The following BTBD7 variants were observed in gnomAD, a reference collection of about 807,000 sequenced individuals.
BTBD7 encodes the protein BTB/POZ domain-containing protein 7.
BTBD7 carries 38 observed loss-of-function variants against 99.9 expected under a neutral mutation model. The ratio of observed to expected loss-of-function variants is 0.38; its 90% confidence interval spans 0.29 to 0.50. The LOEUF is 0.50. BTBD7 is among the 20% of genes least tolerant of loss of function. BTBD7 has a pLI of 0.93. For synonymous variants in BTBD7, 520 were observed against 511.4 expected, an observed-to-expected ratio of 1.02 and a Z score of -0.23; for missense variants, 1,170 against 1,394.6, an observed-to-expected ratio of 0.84 and a Z score of 2.57.
At chr14:93,328,691 G>A (rs2053362248) in intron 1 of BTBD7, among the ~76,000 whole-genome samples, 1 of 150,994 alleles carries the variant, frequency 6.6e-6, no homozygotes, top group South Asian at 2.1e-4. Flanking sequence ...TGAGGCGGGA[G>A]GACCACTTGA....
chr14:93,258,514 A>T (rs1432413880), intron 5 of BTBD7, among the ~76,000 whole-genome samples: 1 of 152,168 alleles, frequency 6.6e-6, no homozygotes, highest in Non-Finnish European at 1.5e-5. Context: ...GGCCTGGTTC[A>T]CTTAGCTTCC....
At position 93,263,937 on chromosome 14, in the gene BTBD7, T is replaced by G; in HGVS notation, c.1219A>C (p.Lys407Gln). ...ISLDTLIAILKWSSHPYGSKW... is the reference protein window; with the variant it reads ...ISLDTLIAILQWSSHPYGSKW... Reference sequence around the variant, plus strand: ...GAGCCATATGGATGAGAACTCCACTTGAGGATGGCAATTAAGGTATCTAAT... The same window carrying G: ...GAGCCATATGGATGAGAACTCCACTGGAGGATGGCAATTAAGGTATCTAAT... Residue 407 changes from lysine (K) to glutamine (Q), a missense_variant, in exon 4 of 11, where the codon AAG becomes CAG. By Grantham distance (53) the Lys-to-Gln change is moderately conservative (BLOSUM62 1). Around this residue, in one of 4 missense-constraint regions of BTBD7, gnomAD observed 359 missense variants for 497.9 expected, o/e 0.72. Transcript: ENST00000334746. 6.2e-7 allele frequency: 1 copy of G among 1,614,216 alleles called. No homozygotes were observed. Among genetic ancestry groups the G allele is most frequent in the Non-Finnish European group, 8.5e-7 (1 of 1,180,038 alleles).
chr14:93,252,766 T>C (rs2052383617), intron 7 of BTBD7, among the ~76,000 whole-genome samples: 1 of 152,096 alleles, frequency 6.6e-6, no homozygotes. Flanking sequence ...GAAAGCTTAA[T>C]AAGGATTTCC....
intron 8 of BTBD7, among the ~76,000 whole-genome samples, chr14:93,249,047 A>C (rs71429787): frequency 0.17 from 25,827 of 151,868 alleles, 2,368 homozygotes; most frequent in East Asian, 0.31. Context: ...GGTGCACAGA[A>C]TGAAACACGA....
chr14:93,319,332 A>G lies in BTBD7; in HGVS notation c.-107+13488T>C, dbSNP rs563515004. ...TTTCAATACAGAGACCAGCTTAACA[A>G]TTAATAGATATCACAACAGCCAAGA... On this transcript the variant is annotated intron_variant, in intron 1 of 10. Coordinates refer to ENST00000334746, the MANE Select transcript of BTBD7 (RefSeq NM_001002860.4). 2.0e-5 allele frequency among the ~76,000 whole-genome samples: 3 copies of G among 152,388 alleles called. No individual in the cohort carries two copies. The South Asian group carries it at 6.2e-4, about 32-fold the overall frequency.
chr14:93,305,743 C>T (rs79350597), intron 1 of BTBD7, among the ~76,000 whole-genome samples: 22,046 of 152,122 alleles, frequency 0.14, 2,071 homozygotes, highest in Admixed American at 0.22. Context: ...TTTCTGTTGC[C>T]GTAACAGAAT....
intron 1 of BTBD7, among the ~76,000 whole-genome samples, chr14:93,297,683 G>A (rs1423900751): frequency 1.3e-5 from 2 of 152,172 alleles, no homozygotes; most frequent in Non-Finnish European, 2.9e-5. Flanking sequence ...GAATCTTCAA[G>A]ATCTTATCAG....
intron 7 of BTBD7, 97 bp downstream of exon 7, chr14:93,253,550 A>G: frequency 9.1e-7 from 1 of 1,095,958 alleles, no homozygotes. Context: ...TTGAAAATAT[A>G]GGCTATTTCC....
chr14:93,256,106 T>C (rs2052426234), intron 6 of BTBD7: 1 of 152,242 alleles, frequency 6.6e-6, no homozygotes, highest in Non-Finnish European at 1.5e-5. Flanking sequence ...TCTTCCATGT[T>C]TCCATTTAGT....
rs1043251222 is a variant in BTBD7 at position 93,284,699 on chromosome 14, A to C, written c.1162+9159T>G. On this transcript the variant is annotated intron_variant, in intron 3 of 10. Transcript: ENST00000334746. ...GAAGATATAAAACCCTAAGAACAAT[A>C]AAAAGTGTTTTAGAAATTCTCAGGA... Among the ~76,000 whole-genome samples the C allele has an allele frequency of 1.6e-4, 24 of 152,162 alleles. 1 individual carries two copies. Among genetic ancestry groups the C allele is most frequent in the Admixed American group, 2.0e-4 (3 of 15,274 alleles).
chr14:93,300,766 GTGTGTGTATATA>G (rs1566857164), intron 1 of BTBD7, among the ~76,000 whole-genome samples: 6 of 32,140 alleles, frequency 1.9e-4, no homozygotes, highest in South Asian at 1.0e-3. Flanking sequence ...GTGTGTGTGT[GTGTGTGTATATA>G]TATATATATT....
chr14:93,263,907 A>T lies in BTBD7; in HGVS notation c.1249T>A (p.Trp417Arg), dbSNP rs776887023. ...KWSSHPYGSK[W>R]VHRQALHFLC... ...AAATGTAAAGCTTGTCGGTGCACCC[A>T]TTTAGAGCCATATGGATGAGAACTC... The change falls in exon 4 of 11, where the codon TGG becomes AGG. Residue 417 changes from tryptophan to arginine, a missense_variant. Trp to Arg is a moderately radical substitution (Grantham distance 101). Coordinates refer to ENST00000334746, the MANE Select transcript of BTBD7 (RefSeq NM_001002860.4). 6.2e-7 allele frequency: 1 copy of T among 1,614,210 alleles called. No individual in the cohort carries two copies. Among genetic ancestry groups the T allele is most frequent in the South Asian group, 1.1e-5 (1 of 91,082 alleles).
chr14:93,249,265 G>GAA (rs1233430996), intron 8 of BTBD7, among the ~76,000 whole-genome samples: 1 of 67,316 alleles, frequency 1.5e-5, no homozygotes, highest in Non-Finnish European at 2.6e-5. Context: ...AACCAGATAG[G>GAA]CAAAAAAAAA....
intron 3 of BTBD7, among the ~76,000 whole-genome samples, chr14:93,284,952 TTA>T (rs1354397853): frequency 1.6e-4 from 24 of 151,432 alleles, no homozygotes; most frequent in Non-Finnish European, 2.5e-4. Flanking sequence ...TATAAACTTT[TTA>T]TGTTTTATAT....
At chr14:93,267,915 G>A (rs1403022947) in intron 3 of BTBD7, among the ~76,000 whole-genome samples, 1 of 151,956 alleles carries the variant, frequency 6.6e-6, no homozygotes, top group East Asian at 1.9e-4. Context: ...TCTCTGTACT[G>A]TTGCCAGAAT....
chr14:93,264,028 C>A, intron 3 of BTBD7, 35 bp from the exon 4 acceptor site: 2 of 1,566,530 alleles, frequency 1.3e-6, no homozygotes, highest in South Asian at 1.1e-5. Flanking sequence ...TGAGATTAAT[C>A]ATAAATATTA....
chr14:93,303,633 A>G (rs1031950285), intron 1 of BTBD7, among the ~76,000 whole-genome samples: 6 of 152,232 alleles, frequency 3.9e-5, no homozygotes, highest in African/African-American at 1.4e-4. Flanking sequence ...AGCCATTTAA[A>G]GCAGAGAACC....
chr14:93,280,070 G>C (rs535617787), intron 3 of BTBD7, among the ~76,000 whole-genome samples: 2 of 152,208 alleles, frequency 1.3e-5, no homozygotes, highest in African/African-American at 2.4e-5. Flanking sequence ...ATGTAGTTTA[G>C]AAGTGGTGTT....
At position 93,300,780 on chromosome 14, in the gene BTBD7, A is replaced by T. The variant is rs1394172502; in HGVS notation, c.-106-4623T>A. On this transcript the variant is annotated intron_variant, in intron 1 of 10. Coordinates refer to ENST00000334746, the MANE Select transcript of BTBD7 (RefSeq NM_001002860.4). ...TGTGTGTGTGTGTGTGTGTATATAT[A>T]TATATATTTTTTTTTTGTAGAGATA... Among the ~76,000 whole-genome samples, 483 of 85,680 alleles carry T rather than the reference A, an allele frequency of 5.6e-3. 22 individuals carry two copies. Among genetic ancestry groups the T allele is most frequent in the Middle Eastern group, 0.025 (4 of 158 alleles). 56.2% of individuals were successfully genotyped at this position (85,680 alleles called of 152,430 possible).
Sources: allele counts gnomAD v4.1 joint callset (sites outside exome capture counted in the v4.1 genomes callset), GRCh38; gene constraint gnomAD v4.1.1; regional missense constraint gnomAD v4.1.1; transcripts MANE v1.5; gene names NCBI Gene and HGNC (gene_info 2026-07-23, HGNC 2026-07-21).